The following PNPT1 variants were observed in gnomAD, a reference collection of about 807,000 sequenced individuals.
The protein encoded by PNPT1 is polyribonucleotide nucleotidyltransferase 1, also known as polyribonucleotide nucleotidyltransferase 1, mitochondrial.
Under a neutral mutation model 119.5 loss-of-function variants are expected in PNPT1, and 53 were observed. The observed-to-expected ratio is 0.44, with a 90% CI of 0.36 to 0.56. The LOEUF (loss-of-function observed/expected upper bound fraction) is 0.56. PNPT1 is among the 20% of genes least tolerant of loss of function. The probability of loss-of-function intolerance (pLI) is 0.00; values close to 1 mark genes in which losing one functional copy is unlikely to be tolerated. For synonymous variants in PNPT1, 357 were observed against 322.1 expected (o/e 1.11, Z -1.16); for missense variants, 948 against 938.5 (o/e 1.01, Z -0.13).
intron 18 of PNPT1, among the ~76,000 whole-genome samples, chr2:55,652,799 T>C (rs1194998435): frequency 1.3e-5 from 2 of 152,254 alleles, no homozygotes; most frequent in East Asian, 1.9e-4. Flanking sequence ...GAATTAACTA[T>C]GGCATGACTT....
chr2:55,674,774 A>G (rs1483797277), intron 8 of PNPT1, among the ~76,000 whole-genome samples: 2 of 152,212 alleles, frequency 1.3e-5, no homozygotes, highest in African/African-American at 4.8e-5. Context: ...GGGAGAGGGT[A>G]AAGGGAAATA....
At position 55,636,421 on chromosome 2, in the gene PNPT1, A is replaced by C. The variant is rs537267506; in HGVS notation, c.2197-29T>G. ...TGTTAAAGAAACAGATCTTCCTTTA[A>C]AGTTACAGCACATTGAGTGACATCT... is the stretch of plus-strand genomic sequence containing the variant. On this transcript the variant is annotated intron_variant, in intron 27 of 27. Coordinates refer to ENST00000447944, the MANE Select transcript of PNPT1 (RefSeq NM_033109.5). 134 of 1,608,538 alleles carry C rather than the reference A, an allele frequency of 8.3e-5. No individual in the cohort carries two copies. In the East Asian group the frequency reaches 2.7e-3, roughly 33 times the overall value.
intron 18 of PNPT1, among the ~76,000 whole-genome samples, chr2:55,652,291 C>T (rs924157542): frequency 2.0e-5 from 3 of 152,196 alleles, no homozygotes; most frequent in Non-Finnish European, 4.4e-5. Flanking sequence ...AATTCAAATT[C>T]ATATTTGAAT....
At chr2:55,676,143 C>T (rs772053276) in intron 8 of PNPT1, among the ~76,000 whole-genome samples, 1 of 151,336 alleles carries the variant, frequency 6.6e-6, no homozygotes, top group African/African-American at 2.4e-5. Flanking sequence ...GCCTGTAGTC[C>T]CAGCTACTTG....
chr2:55,656,896 G>A (rs6545512), intron 15 of PNPT1, among the ~76,000 whole-genome samples: 21,966 of 152,210 alleles, frequency 0.14, 3,118 homozygotes, highest in African/African-American at 0.37. Context: ...TGACAAAAAT[G>A]TATGGAGGAA....
At chr2:55,658,130 G>C (rs1418994183) in intron 15 of PNPT1, among the ~76,000 whole-genome samples, 2 of 151,948 alleles carry the variant, frequency 1.3e-5, no homozygotes, top group African/African-American at 4.8e-5. Flanking sequence ...CTACTTGGGG[G>C]ACTGAGGCAG....
chr2:55,693,305 C>G (rs532820186), intron 1 of PNPT1, among the ~76,000 whole-genome samples: 2 of 152,266 alleles, frequency 1.3e-5, no homozygotes, highest in East Asian at 3.9e-4. Context: ...GGGTCCGGGC[C>G]AGCATCCCGG....
rs1696685639 is a variant in PNPT1 at position 55,664,817 on chromosome 2, A to G, written c.1176+2174T>C. Reference sequence around the variant, plus strand: ...ACTTGACTAAAGAGCATAAAAGAAAACCTGAATCAAAGGTGACACTGACTC... The same window carrying G: ...ACTTGACTAAAGAGCATAAAAGAAAGCCTGAATCAAAGGTGACACTGACTC... On this transcript the variant is annotated intron_variant, in intron 13 of 27. Transcript: ENST00000447944. Among the ~76,000 whole-genome samples, 3 of 152,180 alleles carry G rather than the reference A, an allele frequency of 2.0e-5. No homozygotes were observed. In the South Asian group the frequency reaches 6.2e-4, roughly 32 times the overall value.
At chr2:55,669,738 G>T (rs2104115431) in intron 11 of PNPT1, among the ~76,000 whole-genome samples, 1 of 150,384 alleles carries the variant, frequency 6.6e-6, no homozygotes, top group African/African-American at 2.4e-5. Context: ...ACAATTAATG[G>T]CCTTAATATC....
rs184370683 is a variant in PNPT1, at chr2:55,670,287, C to T, written c.976+1032G>A. On this transcript the variant is annotated intron_variant, in intron 11 of 27. Transcript: ENST00000447944. ...CTGCAAGCTCCACCTCCTGGGTTCACGCCATTCTCCTGCCTCAGCCTCCTG... is the reference window on the plus strand; with the variant it reads ...CTGCAAGCTCCACCTCCTGGGTTCATGCCATTCTCCTGCCTCAGCCTCCTG... 9.5e-3 allele frequency among the ~76,000 whole-genome samples: 1,441 copies of T among 151,510 alleles called. 9 individuals carry two copies. Among genetic ancestry groups the T allele is most frequent in the Middle Eastern group, 0.021 (6 of 292 alleles).
intron 1 of PNPT1, among the ~76,000 whole-genome samples, chr2:55,691,431 C>T (rs986565863): frequency 6.6e-6 from 1 of 152,026 alleles, no homozygotes; most frequent in African/African-American, 2.4e-5. Flanking sequence ...ATAAATGTTG[C>T]CAATGGCAAA....
intron 1 of PNPT1, among the ~76,000 whole-genome samples, chr2:55,692,193 A>C (rs974622781): frequency 1.3e-5 from 2 of 151,890 alleles, no homozygotes; most frequent in Non-Finnish European, 2.9e-5. Context: ...CCGTTTTTTA[A>C]AATATTTCTA....
chr2:55,687,213 CAAAAA>C (rs777676691), intron 2 of PNPT1, among the ~76,000 whole-genome samples: 1 of 93,974 alleles, frequency 1.1e-5, no homozygotes. Flanking sequence ...GACTCCATCT[CAAAAA>C]AAAAAAAAAA....
At chr2:55,691,878 A>ATATATATATATATT (rs1326804958) in intron 1 of PNPT1, among the ~76,000 whole-genome samples, 2 of 33,132 alleles carry the variant, frequency 6.0e-5, no homozygotes, top group Non-Finnish European at 5.9e-5. Flanking sequence ...ATATATATAT[A>ATATATATATATATT]TTTTTTTTTT....
At chr2:55,640,601 A>C (rs370906199) in intron 26 of PNPT1, 26 bp downstream of exon 26, 33 of 1,523,560 alleles carry the variant, frequency 2.2e-5, no homozygotes, top group Non-Finnish European at 2.9e-5. Context: ...TTATAAAAAT[A>C]ATAACAATAA....
intron 8 of PNPT1, among the ~76,000 whole-genome samples, chr2:55,676,587 A>T (rs1372032974): frequency 2.0e-5 from 3 of 152,102 alleles, no homozygotes; most frequent in Non-Finnish European, 4.4e-5. Flanking sequence ...ACTGCCCGGG[A>T]GTGGTGGCCC....
At chr2:55,692,628 G>A (rs1559117280) in intron 1 of PNPT1, among the ~76,000 whole-genome samples, 1 of 152,040 alleles carries the variant, frequency 6.6e-6, no homozygotes, top group Non-Finnish European at 1.5e-5. Context: ...CTCTTAGAAA[G>A]TTATCTAACC....
At chr2:55,650,160 ACC>A (rs1696127001) in intron 18 of PNPT1, among the ~76,000 whole-genome samples, 5 of 151,180 alleles carry the variant, frequency 3.3e-5, no homozygotes, top group Non-Finnish European at 7.4e-5. Context: ...CTCTACCTCT[ACC>A]TCTACCTCTA....
At chr2:55,647,525 T>G in intron 18 of PNPT1, 72 bp from the exon 19 acceptor site, 1 of 1,165,704 alleles carries the variant, frequency 8.6e-7, no homozygotes, top group East Asian at 2.7e-5. Flanking sequence ...TCTATCAATT[T>G]TTTTTTTTTT....
Sources: allele counts gnomAD v4.1 joint callset (sites outside exome capture counted in the v4.1 genomes callset), GRCh38; gene constraint gnomAD v4.1.1; transcripts MANE v1.5; gene names NCBI Gene and HGNC (gene_info 2026-07-23, HGNC 2026-07-21).